Variants in UST observed in about 807,000 individuals in gnomAD.
UST encodes the protein chondroitin sulfate 2-O-sulfotransferase.
UST carries 21 observed loss-of-function variants against 45.6 expected under a neutral mutation model. The observed-to-expected ratio is 0.46, with a 90% confidence interval of 0.33 to 0.66. The LOEUF is 0.66. Among genes scored for constraint, UST ranks in the 30% least tolerant of loss-of-function variants. The pLI is 0.02. For missense variants in UST, 463 were observed against 512.4 expected (o/e 0.90, Z 0.93); for synonymous variants, 215 against 200.6 (o/e 1.07, Z -0.61).
intron 2 of UST, among the ~76,000 whole-genome samples, chr6:148,918,940 G>A (rs944482172): frequency 6.6e-6 from 1 of 152,208 alleles, no homozygotes; most frequent in African/African-American, 2.4e-5. Context: ...TATCTTTAAT[G>A]AACATGAATA....
intron 7 of UST, among the ~76,000 whole-genome samples, chr6:149,069,884 C>G (rs191232469): frequency 1.3e-5 from 2 of 152,298 alleles, no homozygotes; most frequent in African/African-American, 2.4e-5. Flanking sequence ...TGGTATTTCT[C>G]AGATAGTTTT....
intron 1 of UST, among the ~76,000 whole-genome samples, chr6:148,880,637 C>A (rs1778806076): frequency 1.3e-5 from 2 of 152,166 alleles, no homozygotes; most frequent in African/African-American, 4.8e-5. Flanking sequence ...GGGAGGGCTC[C>A]ATCATGAAGG....
At chr6:148,956,372 T>C (rs1780503444) in intron 4 of UST, among the ~76,000 whole-genome samples, 1 of 56,660 alleles carries the variant, frequency 1.8e-5, no homozygotes, top group Non-Finnish European at 3.5e-5. Flanking sequence ...TCTTACATGG[T>C]GGCGGCAAGA....
intron 2 of UST, among the ~76,000 whole-genome samples, chr6:148,910,761 A>C (rs987033580): frequency 6.6e-6 from 1 of 152,336 alleles, no homozygotes; most frequent in African/African-American, 2.4e-5. Context: ...CCCATACCTT[A>C]CATGATTTAA....
chr6:148,788,611 G>A (rs1582812723), intron 1 of UST, among the ~76,000 whole-genome samples: 1 of 152,062 alleles, frequency 6.6e-6, no homozygotes, highest in East Asian at 1.9e-4. Context: ...CAATCTGCGT[G>A]GCTGTGATAA....
intron 1 of UST, among the ~76,000 whole-genome samples, chr6:148,871,465 C>T (rs1562283752): frequency 6.6e-6 from 1 of 152,212 alleles, no homozygotes; most frequent in Non-Finnish European, 1.5e-5. Flanking sequence ...TCACCTGTCA[C>T]ACTCCCTTTA....
chr6:148,789,910 A>G (rs1035369385), intron 1 of UST, among the ~76,000 whole-genome samples: 3 of 151,994 alleles, frequency 2.0e-5, no homozygotes, highest in Non-Finnish European at 4.4e-5. Context: ...AAATATTTTC[A>G]TAATGAAGAC....
At chr6:148,794,425 T>C (rs1208991683) in intron 1 of UST, among the ~76,000 whole-genome samples, 4 of 152,246 alleles carry the variant, frequency 2.6e-5, no homozygotes, top group African/African-American at 9.6e-5. Context: ...TTATTTTTAA[T>C]GAAGCTGCTT....
intron 7 of UST, among the ~76,000 whole-genome samples, chr6:149,067,281 G>C (rs1317573907): frequency 6.6e-6 from 1 of 152,156 alleles, no homozygotes; most frequent in Non-Finnish European, 1.5e-5. Flanking sequence ...GGTGACTGAA[G>C]GCAATTTTGT....
At chr6:148,792,909 A>G (rs1776878201) in intron 1 of UST, among the ~76,000 whole-genome samples, 3 of 152,196 alleles carry the variant, frequency 2.0e-5, no homozygotes, top group Admixed American at 2.0e-4. Flanking sequence ...TAAGGAAATA[A>G]TCATAGATGT....
intron 5 of UST, among the ~76,000 whole-genome samples, chr6:148,990,997 C>G (rs1015487361): frequency 6.6e-6 from 1 of 151,946 alleles, no homozygotes; most frequent in African/African-American, 2.4e-5. Context: ...CAAAGCCCCA[C>G]CTGTCATGGA....
At chr6:149,006,781 C>T (rs2500534) in intron 5 of UST, among the ~76,000 whole-genome samples, 43,644 of 152,028 alleles carry the variant, frequency 0.29, 6,404 homozygotes, top group African/African-American at 0.36. Context: ...TTTTAATAAT[C>T]GCCATTCTGA....
intron 4 of UST, among the ~76,000 whole-genome samples, chr6:148,962,749 T>A (rs1232424883): frequency 1.3e-5 from 2 of 152,220 alleles, no homozygotes; most frequent in Non-Finnish European, 2.9e-5. Flanking sequence ...CAGGGTGTCA[T>A]TCATATGTCC....
chr6:148,780,694 G>A lies in UST; in HGVS notation c.247+33017G>A, dbSNP rs189263160. 3.3e-5 allele frequency among the ~76,000 whole-genome samples: 5 copies of A among 152,188 alleles called. No homozygotes were observed. In the East Asian group the frequency reaches 7.7e-4, roughly 23 times the overall value. ...TCTTTATCCAGTCTGCCATTGATGGGCATTTAGGTTCATTCTATGTCTTTG... is the reference window on the plus strand; with the variant it reads ...TCTTTATCCAGTCTGCCATTGATGGACATTTAGGTTCATTCTATGTCTTTG... On this transcript the variant is annotated intron_variant, in intron 1 of 7. Coordinates refer to ENST00000367463, the MANE Select transcript of UST (RefSeq NM_005715.3).
intron 5 of UST, among the ~76,000 whole-genome samples, chr6:148,983,462 A>C (rs1207783687): frequency 6.6e-6 from 1 of 152,220 alleles, no homozygotes; most frequent in African/African-American, 2.4e-5. Flanking sequence ...AGGAAAAAAA[A>C]ATCATACCTC....
intron 1 of UST, among the ~76,000 whole-genome samples, chr6:148,785,711 T>C (rs568070122): frequency 6.6e-6 from 1 of 152,208 alleles, no homozygotes; most frequent in Non-Finnish European, 1.5e-5. Flanking sequence ...GATTTCAAGA[T>C]ATTTCTATAT....
At position 148,759,996 on chromosome 6, in the gene UST, G is replaced by A. The variant is rs1003744669; in HGVS notation, c.247+12319G>A. Among the ~76,000 whole-genome samples the A allele has an allele frequency of 5.3e-5, 8 of 152,120 alleles. No individual in the cohort carries two copies. The East Asian group carries it at 1.2e-3, about 22-fold the overall frequency. ...AATCATGTGCTGAAAGAGACAAGAG[G>A]TCATATAATTGTAGCAACTGAAACA... On this transcript the variant is annotated intron_variant, in intron 1 of 7. Coordinates refer to ENST00000367463, the MANE Select transcript of UST (RefSeq NM_005715.3).
intron 7 of UST, among the ~76,000 whole-genome samples, chr6:149,030,425 T>A (rs2115025163): frequency 6.6e-6 from 1 of 151,776 alleles, no homozygotes; most frequent in South Asian, 2.1e-4. Context: ...GAGGATCACT[T>A]GAGCCTAGGA....
intron 1 of UST, among the ~76,000 whole-genome samples, chr6:148,792,767 A>G (rs1000644740): frequency 3.3e-4 from 50 of 152,344 alleles, no homozygotes; most frequent in African/African-American, 1.2e-3. Flanking sequence ...CTTTTGCTGT[A>G]CTATTCAAAA....
Sources: gnomAD v4.1 joint callset for allele counts (sites outside exome capture counted in the v4.1 genomes callset) on GRCh38, gnomAD v4.1.1 for gene constraint, MANE v1.5 for transcripts, NCBI Gene and HGNC (gene_info 2026-07-23, HGNC 2026-07-21) for gene names.